The following COQ3 variants were observed in gnomAD, a reference collection of about 807,000 sequenced individuals.
COQ3 encodes coenzyme Q3, methyltransferase.
In COQ3, 29 loss-of-function variants were observed where a neutral mutation model predicts 33.1. The observed-to-expected ratio is 0.88, with a 90% CI of 0.65 to 1.19. The LOEUF (loss-of-function observed/expected upper bound fraction) is 1.19, where lower values mean the gene tolerates loss of function less well. Ranked by LOEUF, COQ3 falls within the 50% of genes most tolerant of loss-of-function variation. COQ3 has a pLI of 0.00. For missense variants in COQ3, 437 were observed against 430.7 expected (o/e 1.01, Z -0.13); for synonymous variants, 173 against 157.8 (o/e 1.10, Z -0.72).
At chr6:99,373,318 C>G (rs1774192254) in intron 5 of COQ3, among the ~76,000 whole-genome samples, 2 of 151,990 alleles carry the variant, frequency 1.3e-5, no homozygotes, top group African/African-American at 4.8e-5. Flanking sequence ...GTAGACATAG[C>G]TACTTGGGAA....
chr6:99,381,726 G>T (rs911920432), intron 2 of COQ3, among the ~76,000 whole-genome samples: 1 of 152,102 alleles, frequency 6.6e-6, no homozygotes, highest in African/African-American at 2.4e-5. Context: ...AGGAGTTCCA[G>T]ATCAGCCTGG....
Position 99,369,887 on chromosome 6 carries a change from C to T in COQ3, c.890-67G>A, listed in dbSNP as rs942756931. On this transcript the variant is annotated intron_variant, in intron 6 of 6. Coordinates refer to ENST00000254759, the MANE Select transcript of COQ3 (RefSeq NM_017421.4). ...TTTTCCTTCCAATTTCCAAGAGTTTCATGCAACTTTCTATATTAAAAATGC... is the reference window on the plus strand; with the variant it reads ...TTTTCCTTCCAATTTCCAAGAGTTTTATGCAACTTTCTATATTAAAAATGC... 1.2e-5 allele frequency: 12 copies of T among 1,041,132 alleles called. No individual in the cohort carries two copies. The African/African-American group carries it at 1.8e-4, about 15-fold the overall frequency. The allele number at this position is 1,041,132 out of a possible 1,614,324, so 64.5% of individuals were successfully genotyped here.
At position 99,387,949 on chromosome 6, in the gene COQ3, G is replaced by A. The variant is rs977197977; in HGVS notation, c.107-4125C>T. On this transcript the variant is annotated intron_variant, in intron 1 of 6. Transcript: ENST00000254759. The stretch of plus-strand genomic sequence containing the variant: ...GGAGGCCGAGGCGGGTGGATCACCC[G>A]AGGTTGGGAGTTCGAGACCAGCCTG... Among the ~76,000 whole-genome samples the A allele has an allele frequency of 4.6e-5, 7 of 152,252 alleles. No individual in the cohort carries two copies. In the South Asian group the frequency reaches 6.2e-4, roughly 14 times the overall value.
intron 1 of COQ3, among the ~76,000 whole-genome samples, chr6:99,390,500 A>G (rs1221499687): frequency 1.3e-5 from 2 of 151,700 alleles, no homozygotes; most frequent in Admixed American, 6.6e-5. Flanking sequence ...CGCCTGGCTA[A>G]TTTTTTGGAT....
intron 5 of COQ3, among the ~76,000 whole-genome samples, chr6:99,372,034 C>T (rs763239705): frequency 4.6e-5 from 7 of 152,146 alleles, no homozygotes; most frequent in Non-Finnish European, 1.0e-4. Flanking sequence ...GGAAGTACTA[C>T]CAATAAGTGT....
At chr6:99,391,112 T>C (rs1358727093) in intron 1 of COQ3, among the ~76,000 whole-genome samples, 1 of 144,486 alleles carries the variant, frequency 6.9e-6, no homozygotes, top group Non-Finnish European at 1.5e-5. Context: ...TATTTATTTA[T>C]TTATGAGACA....
intron 3 of COQ3, among the ~76,000 whole-genome samples, chr6:99,378,554 C>T (rs1397911349): frequency 2.0e-5 from 3 of 152,250 alleles, no homozygotes; most frequent in South Asian, 4.1e-4. Context: ...AATTCCCAAA[C>T]TTAGTATACA....
chr6:99,374,122 C>CAAAAA (rs146515261), intron 5 of COQ3, among the ~76,000 whole-genome samples: 1 of 86,458 alleles, frequency 1.2e-5, no homozygotes, highest in Non-Finnish European at 2.3e-5. Flanking sequence ...CTGACATTAG[C>CAAAAA]AAAAAAAAAA....
intron 1 of COQ3, among the ~76,000 whole-genome samples, chr6:99,387,063 A>G (rs1774672261): frequency 6.6e-6 from 1 of 152,214 alleles, no homozygotes; most frequent in South Asian, 2.1e-4. Flanking sequence ...CAAATAGAAG[A>G]ATACAGCACA....
Position 99,394,192 on chromosome 6 carries a change from TC to T in COQ3, c.-14del, listed in dbSNP as rs777995957. The T allele has an allele frequency of 5.2e-6, 8 of 1,549,512 alleles. No homozygotes were observed. In the South Asian group the frequency reaches 5.8e-5, roughly 11 times the overall value. On this transcript the variant is annotated 5_prime_UTR_variant, in exon 1 of 7. Coordinates refer to ENST00000254759, the MANE Select transcript of COQ3 (RefSeq NM_017421.4). ...GGCCACTCCACATCGCGACAAACGA[TC>T]CCACCTCTTTTCCGGTCCCTCCCGA...
chr6:99,371,545 G>C lies in COQ3; in HGVS notation c.772C>G (p.Leu258Val), dbSNP rs1204124314. The C allele has an allele frequency of 6.2e-7, 1 of 1,605,758 alleles. No individual in the cohort carries two copies. Among genetic ancestry groups the C allele is most frequent in the Non-Finnish European group, 8.5e-7 (1 of 1,176,096 alleles). Reference protein sequence around the residue: ...LFITTINKTQLSYALGIVFSE... With the variant: ...LFITTINKTQVSYALGIVFSE... ...AAAACAATTCCCAAGGCATAGGAAA[G>C]TTGTGTTTTGTTGATTGTAGTAATG... Residue 258 changes from leucine (L) to valine (V), a missense_variant, in exon 6 of 7, where the codon CTT (leucine) becomes GTT (valine). By Grantham distance (32) the Leu-to-Val change is conservative (BLOSUM62 1). Coordinates refer to ENST00000254759, the MANE Select transcript of COQ3 (RefSeq NM_017421.4).
Position 99,369,638 on chromosome 6 carries a change from A to AT in COQ3, c.1071_1072insA (p.Cys358MetfsTer8), listed in dbSNP as rs1376222844. The AT allele has an allele frequency of 1.2e-6, 2 of 1,614,004 alleles. No individual in the cohort carries two copies. The highest frequency in any genetic ancestry group is 1.7e-6 in the Non-Finnish European group (2 of 1,179,956). On this transcript the variant is annotated frameshift_variant, in exon 7 of 7. Transcript: ENST00000254759. LOFTEE classifies it high-confidence loss of function. ...TTTTCATGCACAGCTGGATTGGTGC[A>AT]GGCATTAGCTTGGAGCTCTTCTGTT...
At chr6:99,373,493 A>G (rs1056751989) in intron 5 of COQ3, among the ~76,000 whole-genome samples, 5 of 152,118 alleles carry the variant, frequency 3.3e-5, no homozygotes, top group African/African-American at 1.2e-4. Context: ...TCGTACTTTA[A>G]GGAAATGGTG....
chr6:99,391,907 G>C (rs894906537), intron 1 of COQ3, among the ~76,000 whole-genome samples: 2 of 152,096 alleles, frequency 1.3e-5, no homozygotes, highest in African/African-American at 4.8e-5. Flanking sequence ...GCTGAGGTGG[G>C]AGGACCAATT....
chr6:99,379,703 A>T (rs556622948), intron 3 of COQ3, among the ~76,000 whole-genome samples: 1 of 152,152 alleles, frequency 6.6e-6, no homozygotes, highest in Admixed American at 6.5e-5. Flanking sequence ...AAAAATACAA[A>T]AATTAGCTGG....
chr6:99,372,611 T>C (rs1449689092), intron 5 of COQ3, among the ~76,000 whole-genome samples: 3 of 151,904 alleles, frequency 2.0e-5, no homozygotes, highest in African/African-American at 7.2e-5. Flanking sequence ...AGAGACGGGG[T>C]TTCACCATCT....
At chr6:99,393,569 A>G (rs1582737599) in intron 1 of COQ3, among the ~76,000 whole-genome samples, 1 of 152,268 alleles carries the variant, frequency 6.6e-6, no homozygotes, top group African/African-American at 2.4e-5. Flanking sequence ...GTCTACAAGC[A>G]CTGAGCAGTG....
rs1275803684 is a variant in COQ3 at position 99,376,146 on chromosome 6, C to T, written c.523G>A (p.Asp175Asn). ...GTTTTAATGTTCTCATCCACAGGGT[C>T]GATTCCAATAACTGAAGCCCCAAGC... ...GRLGASVIGIDPVDENIKTAQ... is the reference protein window; with the variant it reads ...GRLGASVIGINPVDENIKTAQ... Residue 175 changes from aspartate (D) to asparagine (N), a missense_variant, in exon 5 of 7, where the codon GAC becomes AAC. Transcript: ENST00000254759. The T allele has an allele frequency of 5.6e-6, 9 of 1,613,864 alleles. No homozygotes were observed. The highest frequency in any genetic ancestry group is 1.6e-4 in the Middle Eastern group (1 of 6,084).
chr6:99,377,562 C>A, intron 3 of COQ3, 77 bp from the exon 4 acceptor site: 1 of 920,614 alleles, frequency 1.1e-6, no homozygotes, highest in Non-Finnish European at 1.6e-6. Context: ...GTGTAGTTTT[C>A]AAGGAAATAT....
Sources: gnomAD v4.1 joint callset for allele counts (sites outside exome capture counted in the v4.1 genomes callset) on GRCh38, gnomAD v4.1.1 for gene constraint, MANE v1.5 for transcripts, NCBI Gene and HGNC (gene_info 2026-07-23, HGNC 2026-07-21) for gene names.